The following TBX19 variants were observed in gnomAD, a reference collection of about 807,000 sequenced individuals.
The protein encoded by TBX19 is T-box transcription factor TBX19.
In TBX19, 33 loss-of-function variants were observed where a neutral mutation model predicts 40.9. The observed-to-expected ratio is 0.81, with a 90% confidence interval of 0.61 to 1.08. The LOEUF is 1.08. Ranked by LOEUF, TBX19 falls within the 50% of genes least tolerant of loss-of-function variation. The pLI, the probability that TBX19 is intolerant of heterozygous loss-of-function variation, is 0.00. For missense variants in TBX19, 494 were observed against 574.0 expected, an observed-to-expected ratio of 0.86 and a Z score of 1.42; for synonymous variants, 220 against 225.0, an observed-to-expected ratio of 0.98 and a Z score of 0.20.
At position 168,313,147 on chromosome 1, in the gene TBX19, T is replaced by G; in HGVS notation, c.*145T>G. On this transcript the variant is annotated 3_prime_UTR_variant, in exon 8 of 8. Coordinates refer to ENST00000367821, the MANE Select transcript of TBX19 (RefSeq NM_005149.3). ...AGGTGGGTTATTACAGAAGTCATAC[T>G]GGGAGAGGGTTCAGTTTGGATGATG... 1 of 965,284 alleles carries G rather than the reference T, an allele frequency of 1.0e-6. No individual in the cohort carries two copies. Among genetic ancestry groups the G allele is most frequent in the East Asian group, 2.6e-5 (1 of 38,536 alleles). 59.8% of individuals were successfully genotyped at this position (965,284 alleles called of 1,614,324 possible).
intron 3 of TBX19, among the ~76,000 whole-genome samples, chr1:168,296,875 A>AATAT (rs1553289516): frequency 6.6e-6 from 1 of 151,766 alleles, no homozygotes; most frequent in Non-Finnish European, 1.5e-5. Flanking sequence ...TCTCAAAAAA[A>AATAT]ATATATATAT....
intron 1 of TBX19, among the ~76,000 whole-genome samples, chr1:168,286,158 A>G (rs1321255597): frequency 6.6e-6 from 1 of 152,254 alleles, no homozygotes; most frequent in African/African-American, 2.4e-5. Context: ...AAATAGAGCA[A>G]TTAATCATTC....
At chr1:168,286,580 C>T (rs1340770086) in intron 1 of TBX19, among the ~76,000 whole-genome samples, 1 of 152,194 alleles carries the variant, frequency 6.6e-6, no homozygotes, top group African/African-American at 2.4e-5. Flanking sequence ...TTTTTATTGA[C>T]AAATACTCCA....
chr1:168,300,321 C>A, intron 4 of TBX19, 101 bp from the exon 5 acceptor site: 3 of 1,087,578 alleles, frequency 2.8e-6, no homozygotes, highest in Non-Finnish European at 4.2e-6. Context: ...TTTTCTTATT[C>A]TAAGAAATTG....
At chr1:168,304,884 C>G (rs1488426311) in intron 5 of TBX19, 124 bp from the exon 6 acceptor site, 1 of 989,464 alleles carries the variant, frequency 1.0e-6, no homozygotes, top group East Asian at 2.4e-5. Context: ...AGGCTGGCAC[C>G]ATCACACAGG....
chr1:168,288,015 T>C (rs1412908751), intron 1 of TBX19, among the ~76,000 whole-genome samples: 2 of 152,212 alleles, frequency 1.3e-5, no homozygotes, highest in Non-Finnish European at 2.9e-5. Context: ...TTAAGTTGTA[T>C]TTCACTTAAG....
chr1:168,284,630 G>T (rs1293675113), intron 1 of TBX19, among the ~76,000 whole-genome samples: 1 of 151,808 alleles, frequency 6.6e-6, no homozygotes, highest in East Asian at 1.9e-4. Context: ...CAAAAAATTA[G>T]CTGGGCATGG....
intron 4 of TBX19, among the ~76,000 whole-genome samples, chr1:168,298,873 T>TTC (rs1428180099): frequency 2.5e-5 from 3 of 121,094 alleles, no homozygotes; most frequent in Admixed American, 8.2e-5. Flanking sequence ...CTTTCTTTCT[T>TTC]TCTTTCTTTC....
chr1:168,312,759 G>A lies in TBX19; in HGVS notation c.1104G>A (p.Gly368=), dbSNP rs1649555546. 6.2e-7 allele frequency: 1 copy of A among 1,614,162 alleles called. No homozygotes were observed. The highest frequency in any genetic ancestry group is 8.5e-7 in the Non-Finnish European group (1 of 1,180,048). The change falls in exon 8 of 8, where the codon GGG becomes GGA. Residue 368 remains glycine (G), a synonymous_variant. Coordinates refer to ENST00000367821, the MANE Select transcript of TBX19 (RefSeq NM_005149.3). Reference sequence around the variant, plus strand: ...GCAATGGTGCCGGAGGCCCCAGTGGGCCAGGCCCGGAGGTGCACGCCAGCA... The same window carrying A: ...GCAATGGTGCCGGAGGCCCCAGTGGACCAGGCCCGGAGGTGCACGCCAGCA... ...TISNGAGGPS[G]PGPEVHASTP...
Position 168,291,351 on chromosome 1 carries a change from G to T in TBX19, c.395G>T (p.Gly132Val). 1 of 1,614,158 alleles carries T rather than the reference G, an allele frequency of 6.2e-7. No homozygotes were observed. Residue 132 changes from glycine to valine, a missense_variant, in exon 2 of 8, where the codon GGG (glycine) becomes GTG (valine). Around this residue, in one of 3 missense-constraint regions of TBX19, gnomAD observed 201 missense variants for 235.2 expected, o/e 0.85. Transcript: ENST00000367821. ...VYIHPDSPNF[G>V]AHWMKAPISF... is the part of the protein sequence containing the mutation. ...ATTCACCCGGACTCCCCCAACTTTG[G>T]GGCCCACTGGATGAAAGCTCCCATC...
At chr1:168,306,479 A>C (rs1169048592) in intron 6 of TBX19, among the ~76,000 whole-genome samples, 1 of 151,924 alleles carries the variant, frequency 6.6e-6, no homozygotes, top group Non-Finnish European at 1.5e-5. Context: ...TACAAAAACT[A>C]GCCAGGCGTG....
chr1:168,298,713 CTCCTTTCCT>C (rs1485163939), intron 4 of TBX19, among the ~76,000 whole-genome samples: 4 of 136,158 alleles, frequency 2.9e-5, no homozygotes, highest in Admixed American at 7.9e-5. Context: ...CTTTGCTTCC[CTCCTTTCCT>C]TCCTTTCCTT....
chr1:168,283,948 A>G (rs1648738116), intron 1 of TBX19, among the ~76,000 whole-genome samples: 1 of 152,186 alleles, frequency 6.6e-6, no homozygotes, highest in African/African-American at 2.4e-5. Flanking sequence ...TCAAGTGGAG[A>G]TCTACTTTCA....
Position 168,305,192 on chromosome 1 carries a change from C to T in TBX19, c.912C>T (p.Pro304=). The T allele has an allele frequency of 6.2e-7, 1 of 1,610,918 alleles. No homozygotes were observed. Among genetic ancestry groups the T allele is most frequent in the African/African-American group, 1.3e-5 (1 of 75,002 alleles). Residue 304 remains proline, a synonymous_variant, in exon 6 of 8, where the codon CCC becomes CCT. Coordinates refer to ENST00000367821, the MANE Select transcript of TBX19 (RefSeq NM_005149.3). ...PSAYMHRNHS[P]SVNLIESSSN... is the part of the protein sequence containing the mutation. ...CGTACATGCACAGAAACCATTCTCCCTCAGGTCTGTGACTCTGCTGATTAA... is the reference window on the plus strand; with the variant it reads ...CGTACATGCACAGAAACCATTCTCCTTCAGGTCTGTGACTCTGCTGATTAA...
chr1:168,304,217 T>A (rs1455054316), intron 5 of TBX19, among the ~76,000 whole-genome samples: 1 of 152,204 alleles, frequency 6.6e-6, no homozygotes, highest in Non-Finnish European at 1.5e-5. Flanking sequence ...CAAATCAATC[T>A]CTTCAAAAAC....
intron 3 of TBX19, among the ~76,000 whole-genome samples, chr1:168,296,321 A>G (rs1649103379): frequency 6.6e-6 from 1 of 152,142 alleles, no homozygotes; most frequent in African/African-American, 2.4e-5. Context: ...GCCCATTTTC[A>G]CGCTGCTAAT....
intron 5 of TBX19, 65 bp downstream of exon 5, chr1:168,300,548 C>T: frequency 6.8e-7 from 1 of 1,463,632 alleles, no homozygotes; most frequent in Non-Finnish European, 9.6e-7. Context: ...TCCTTCCACA[C>T]TCAGACTCTT....
intron 5 of TBX19, among the ~76,000 whole-genome samples, chr1:168,303,844 G>A (rs111274035): frequency 1.3e-5 from 2 of 152,172 alleles, no homozygotes; most frequent in East Asian, 1.9e-4. Flanking sequence ...GCTTGTTGAA[G>A]TGTCTTTTAG....
chr1:168,295,018 C>T (rs568725078), intron 3 of TBX19, among the ~76,000 whole-genome samples: 1 of 152,194 alleles, frequency 6.6e-6, no homozygotes, highest in Admixed American at 6.5e-5. Flanking sequence ...CTTGGCCGGA[C>T]GTGGTGGCTC....
Sources: gnomAD v4.1 joint callset for allele counts (sites outside exome capture counted in the v4.1 genomes callset) on GRCh38, gnomAD v4.1.1 for gene constraint, gnomAD v4.1.1 regional missense constraint, MANE v1.5 for transcripts, NCBI Gene and HGNC (gene_info 2026-07-23, HGNC 2026-07-21) for gene names.